Variants in PAXIP1 observed in about 807,000 individuals in gnomAD.
PAXIP1 encodes PAX-interacting protein 1.
In PAXIP1, 19 loss-of-function variants were observed where a neutral mutation model predicts 140.6. The ratio of observed to expected loss-of-function variants is 0.14; its 90% CI spans 0.09 to 0.20. The LOEUF is 0.20. PAXIP1 is among the 10% of genes least tolerant of loss of function. The pLI, the probability that PAXIP1 is intolerant of heterozygous loss-of-function variation, is 1.00. For missense variants in PAXIP1, 920 were observed against 1,208.6 expected, an observed-to-expected ratio of 0.76 and a Z score of 3.54; for synonymous variants, 442 against 444.6, an observed-to-expected ratio of 0.99 and a Z score of 0.07.
At chr7:154,944,951 T>C (rs1235693113) in intron 20 of PAXIP1, 4 of 151,800 alleles carry the variant, frequency 2.6e-5, no homozygotes, top group African/African-American at 9.7e-5. Context: ...AAACATGACA[T>C]TGGATTCTGG....
At chr7:154,983,467 AT>A (rs1809934914) in intron 4 of PAXIP1, 135 bp from the exon 5 acceptor site, 2 of 594,036 alleles carry the variant, frequency 3.4e-6, no homozygotes, top group East Asian at 6.5e-5. Flanking sequence ...TGTAGAAAAA[AT>A]AGAGAAGCTT....
rs1359628092 is a variant in PAXIP1 at position 154,975,907 on chromosome 7, C to G, written c.863G>C (p.Gly288Ala). The G allele has an allele frequency of 6.2e-7, 1 of 1,613,972 alleles. No individual in the cohort carries two copies. The highest frequency in any genetic ancestry group is 1.7e-5 in the Admixed American group (1 of 60,012). The change falls in exon 6 of 21, where the codon GGG becomes GCG. Residue 288 changes from glycine to alanine, a missense_variant. By Grantham distance (60) the Gly-to-Ala change is moderately conservative. This residue lies in a region of PAXIP1 where 419 missense variants were observed against 514.7 expected (regional missense o/e 0.81). Coordinates refer to ENST00000404141, the MANE Select transcript of PAXIP1 (RefSeq NM_007349.4). ...GACATTGGCACACAAGTTAATCAAC[C>G]CAGGCTCCTTTCCCTGAGGCAGCCT... The part of the protein sequence containing the change: ...KRRLPQGKEP[G>A]LINLCANVPP...
In PAXIP1 at chr7:154,961,485, G is replaced by T. The variant is rs140704872; in HGVS notation, c.2249+42C>A. ...ATTATTGAAATAGCCACTATATTGT[G>T]TGTAAATTTATGATTAAAAACAGTT... is the stretch of plus-strand genomic sequence containing the variant. On this transcript the variant is annotated intron_variant, in intron 11 of 20. Transcript: ENST00000404141. 5.8e-4 allele frequency: 874 copies of T among 1,503,384 alleles called. 6 individuals are homozygous for T. In the African/African-American group the frequency reaches 0.011, roughly 18 times the overall value. The allele number at this position is 1,503,384 out of a possible 1,614,324, so 93.1% of individuals were successfully genotyped here.
At chr7:154,966,628 T>C (rs942046317) in intron 8 of PAXIP1, among the ~76,000 whole-genome samples, 8 of 152,248 alleles carry the variant, frequency 5.3e-5, no homozygotes, top group Non-Finnish European at 2.9e-5. Flanking sequence ...CGAACACTTC[T>C]GACTTTTAAA....
intron 8 of PAXIP1, chr7:154,965,312 C>T (rs566948358): frequency 1.3e-5 from 2 of 152,436 alleles, no homozygotes; most frequent in South Asian, 2.1e-4. Flanking sequence ...CTGACTGCAA[C>T]CTCAGGAGAT....
intron 1 of PAXIP1, 29 bp downstream of exon 1, chr7:155,002,820 G>A (rs756440103): frequency 9.9e-6 from 13 of 1,314,968 alleles, no homozygotes; most frequent in Admixed American, 2.2e-5. Flanking sequence ...GGACGGGGGA[G>A]GAGGCCGCGG....
At chr7:154,961,695 C>T in intron 10 of PAXIP1, 47 bp from the exon 11 acceptor site, 1 of 1,487,706 alleles carries the variant, frequency 6.7e-7, no homozygotes, top group Non-Finnish European at 9.1e-7. Flanking sequence ...AAGCAAAAAA[C>T]CAAAACCAAG....
At chr7:154,980,326 A>G (rs946541744) in intron 5 of PAXIP1, among the ~76,000 whole-genome samples, 2 of 152,202 alleles carry the variant, frequency 1.3e-5, no homozygotes, top group East Asian at 3.8e-4. Flanking sequence ...TCATTACAAC[A>G]GATATACAAC....
intron 11 of PAXIP1, among the ~76,000 whole-genome samples, chr7:154,961,280 A>G (rs1461480522): frequency 6.6e-6 from 1 of 152,214 alleles, no homozygotes; most frequent in Non-Finnish European, 1.5e-5. Flanking sequence ...ACCACTAAGG[A>G]GTCTTACTTC....
At chr7:154,999,100 G>C (rs1003117178) in intron 1 of PAXIP1, among the ~76,000 whole-genome samples, 1 of 152,232 alleles carries the variant, frequency 6.6e-6, no homozygotes, top group Non-Finnish European at 1.5e-5. Flanking sequence ...CACTGCTGCG[G>C]TGGGGCCACG....
At chr7:155,000,728 T>G (rs1479913752) in intron 1 of PAXIP1, 1 of 151,762 alleles carries the variant, frequency 6.6e-6, no homozygotes. Flanking sequence ...CACTACTGAG[T>G]ATCTTAATAG....
At chr7:154,984,471 G>A (rs1809977065) in intron 4 of PAXIP1, among the ~76,000 whole-genome samples, 1 of 152,152 alleles carries the variant, frequency 6.6e-6, no homozygotes, top group Non-Finnish European at 1.5e-5. Flanking sequence ...CTGCCAGTAT[G>A]CAGCTTGCCA....
chr7:154,989,917 T>C (rs896451259), intron 4 of PAXIP1, among the ~76,000 whole-genome samples: 3 of 152,214 alleles, frequency 2.0e-5, no homozygotes, highest in Non-Finnish European at 2.9e-5. Context: ...TCTTAAACAT[T>C]CCCAAATAGT....
At chr7:154,958,970 A>G (rs1808644415) in intron 13 of PAXIP1, among the ~76,000 whole-genome samples, 2 of 152,346 alleles carry the variant, frequency 1.3e-5, no homozygotes, top group South Asian at 4.1e-4. Context: ...CAATACATCT[A>G]TGATCACATT....
intron 3 of PAXIP1, among the ~76,000 whole-genome samples, chr7:154,993,331 A>G (rs920120160): frequency 6.6e-6 from 1 of 152,336 alleles, no homozygotes; most frequent in Admixed American, 6.5e-5. Flanking sequence ...AATGCAATTA[A>G]AAGGATTAAC....
Position 154,946,482 on chromosome 7 carries a change from A to G in PAXIP1, c.3133+30T>C, listed in dbSNP as rs117213645. 2.5e-5 allele frequency: 40 copies of G among 1,606,772 alleles called. No individual in the cohort carries two copies. The South Asian group carries it at 3.0e-4, about 12-fold the overall frequency. On this transcript the variant is annotated intron_variant, in intron 19 of 20. Coordinates refer to ENST00000404141, the MANE Select transcript of PAXIP1 (RefSeq NM_007349.4). The surrounding 1 kb of genome is among the most constrained non-coding windows in gnomAD (Gnocchi z 4.9). The stretch of plus-strand genomic sequence containing the variant: ...GAGATCCACTGCTGTGCGTGCACAC[A>G]TACTCACACAGGTAAGCGGGGAAAC...
intron 5 of PAXIP1, among the ~76,000 whole-genome samples, chr7:154,979,321 G>C (rs1354068633): frequency 6.6e-6 from 1 of 152,042 alleles, no homozygotes; most frequent in Non-Finnish European, 1.5e-5. Context: ...GAGTATAAAA[G>C]GTAGTTTTAT....
intron 16 of PAXIP1, chr7:154,950,626 T>C (rs1174934626): frequency 6.6e-6 from 1 of 152,222 alleles, no homozygotes; most frequent in Non-Finnish European, 1.5e-5. Context: ...ATTGCAACCT[T>C]GTTGATTTAC....
At chr7:154,962,561 C>T in intron 9 of PAXIP1, 103 bp from the exon 10 acceptor site, 1 of 986,224 alleles carries the variant, frequency 1.0e-6, no homozygotes. Flanking sequence ...CATTGGAAGC[C>T]CCATAAAAGA....
Sources: gnomAD v4.1 joint callset for allele counts (sites outside exome capture counted in the v4.1 genomes callset) on GRCh38, gnomAD v4.1.1 for gene constraint, gnomAD v4.1.1 regional missense constraint, Gnocchi (gnomAD v3.1) non-coding constraint, MANE v1.5 for transcripts, NCBI Gene and HGNC (gene_info 2026-07-23, HGNC 2026-07-21) for gene names.